Variants in COPG2 observed in about 807,000 individuals in gnomAD.
COPG2 encodes the protein coat protein complex I subunit gamma 2.
In COPG2, 37 loss-of-function variants were observed where a neutral mutation model predicts 46.3. The observed-to-expected ratio is 0.80, with a 90% CI of 0.61 to 1.05. The LOEUF is 1.05. Among genes scored for constraint, COPG2 ranks in the 50% least tolerant of loss-of-function variants. COPG2 has a pLI of 0.00. For missense variants in COPG2, 427 were observed against 387.8 expected, an observed-to-expected ratio of 1.10 and a Z score of -0.85; for synonymous variants, 159 against 129.7, an observed-to-expected ratio of 1.23 and a Z score of -1.53.
At chr7:130,615,050 G>A (rs573099992) in intron 6 of COPG2, among the ~76,000 whole-genome samples, 1 of 152,220 alleles carries the variant, frequency 6.6e-6, no homozygotes, top group Non-Finnish European at 1.5e-5. Flanking sequence ...TCTTGGAATA[G>A]AAGTGAGTTA....
chr7:130,521,064 G>A (rs1359760831), intron 20 of COPG2, among the ~76,000 whole-genome samples: 1 of 152,124 alleles, frequency 6.6e-6, no homozygotes, highest in Non-Finnish European at 1.5e-5. Flanking sequence ...ATGGATAAGA[G>A]CTTTTTCAAA....
At chr7:130,590,380 C>G (rs541550683) in intron 9 of COPG2, among the ~76,000 whole-genome samples, 1 of 152,222 alleles carries the variant, frequency 6.6e-6, no homozygotes, top group African/African-American at 2.4e-5. Context: ...CTCAGCCTGC[C>G]GAGTGCCTGC....
At chr7:130,609,664 C>T (rs546015069) in intron 9 of COPG2, among the ~76,000 whole-genome samples, 1 of 152,234 alleles carries the variant, frequency 6.6e-6, no homozygotes, top group African/African-American at 2.4e-5. Context: ...ATTCCCTAGG[C>T]TTCAGATGTT....
intron 11 of COPG2, among the ~76,000 whole-genome samples, chr7:130,561,448 T>C (rs1198249234): frequency 6.6e-6 from 1 of 152,234 alleles, no homozygotes; most frequent in African/African-American, 2.4e-5. Flanking sequence ...CTAACCTTTC[T>C]AACATTACCA....
At chr7:130,587,020 C>T (rs1283174888) in intron 9 of COPG2, among the ~76,000 whole-genome samples, 1 of 151,684 alleles carries the variant, frequency 6.6e-6, no homozygotes, top group Non-Finnish European at 1.5e-5. Flanking sequence ...TAAAAAATAC[C>T]ATTCAGCTGG....
At chr7:130,628,720 C>T (rs1053209447) in intron 5 of COPG2, among the ~76,000 whole-genome samples, 2 of 152,094 alleles carry the variant, frequency 1.3e-5, no homozygotes, top group African/African-American at 4.8e-5. Context: ...AGTAAGACAG[C>T]TACCAATAAA....
intron 3 of COPG2, among the ~76,000 whole-genome samples, chr7:130,663,879 C>T (rs1188883131): frequency 6.6e-6 from 1 of 151,884 alleles, no homozygotes; most frequent in Non-Finnish European, 1.5e-5. Flanking sequence ...GCTGTGATTA[C>T]AGGTGTGCAC....
chr7:130,639,562 T>C (rs1795421464), intron 5 of COPG2, among the ~76,000 whole-genome samples: 1 of 152,232 alleles, frequency 6.6e-6, no homozygotes, highest in Non-Finnish European at 1.5e-5. Context: ...GATTATGTCA[T>C]GAGACTCTGG....
intron 20 of COPG2, among the ~76,000 whole-genome samples, chr7:130,523,438 G>C (rs1302151531): frequency 6.6e-6 from 1 of 152,174 alleles, no homozygotes; most frequent in African/African-American, 2.4e-5. Flanking sequence ...CTGCATCCTC[G>C]GGTGAGAATC....
intron 9 of COPG2, among the ~76,000 whole-genome samples, chr7:130,565,726 T>G (rs1051569992): frequency 5.3e-5 from 8 of 151,946 alleles, no homozygotes; most frequent in Non-Finnish European, 1.0e-4. Flanking sequence ...AGACTACCAA[T>G]AAAGTGACAG....
At position 130,592,297 on chromosome 7, in the gene COPG2, C is replaced by G. The variant is rs541725039; in HGVS notation, c.737+18656G>C. On this transcript the variant is annotated intron_variant, in intron 9 of 23. Transcript: ENST00000425248. The stretch of plus-strand genomic sequence containing the variant: ...CACAGGGTCCTCTGCCTAGGAAAAC[C>G]AGAGACCTTTGTTTACTTGTTTATC... Among the ~76,000 whole-genome samples, 38 of 151,570 alleles carry G rather than the reference C, an allele frequency of 2.5e-4. 1 individual carries two copies. Among genetic ancestry groups the G allele is most frequent in the Admixed American group, 2.5e-3 (38 of 15,228 alleles).
chr7:130,549,043 CAAAA>C (rs1284034360), intron 18 of COPG2, among the ~76,000 whole-genome samples: 2 of 110,662 alleles, frequency 1.8e-5, no homozygotes, highest in Non-Finnish European at 4.4e-5. Flanking sequence ...AAGCAAAAAG[CAAAA>C]AAAAAAAAAA....
In COPG2 at chr7:130,663,003, G is replaced by C; in HGVS notation, c.207C>G (p.Ala69=). ...EHFGTTEATE[A]FFAMTRLFQS... is the part of the protein sequence containing the mutation. ...GAAACAATCGCGTCATTGCAAAGAA[G>C]GCTTCTGTAGCTTCCGTTGTTCCAA... Residue 69 remains alanine (A), a synonymous_variant, in exon 4 of 24, where the codon GCC becomes GCG. Transcript: ENST00000425248. The C allele has an allele frequency of 6.5e-7, 1 of 1,549,084 alleles. No individual in the cohort carries two copies. The highest frequency in any genetic ancestry group is 2.3e-5 in the East Asian group (1 of 42,890).
chr7:130,507,892 C>T, intron 21 of COPG2, 69 bp from the exon 22 acceptor site: 1 of 742,340 alleles, frequency 1.3e-6, no homozygotes, highest in South Asian at 1.5e-5. Flanking sequence ...AGGAACTAGT[C>T]AATATGGTCC....
At chr7:130,566,411 G>C (rs1170678828) in intron 9 of COPG2, among the ~76,000 whole-genome samples, 1 of 152,224 alleles carries the variant, frequency 6.6e-6, no homozygotes, top group Non-Finnish European at 1.5e-5. Flanking sequence ...AAGCAGTTTG[G>C]AGATTTCTCA....
chr7:130,559,406 AG>A (rs1793681840), intron 12 of COPG2, among the ~76,000 whole-genome samples: 2 of 152,150 alleles, frequency 1.3e-5, no homozygotes, highest in Non-Finnish European at 2.9e-5. Context: ...CTTTCTAGCA[AG>A]CCACCTTGAG....
chr7:130,510,469 A>G (rs1318820634), intron 20 of COPG2, among the ~76,000 whole-genome samples: 1 of 152,214 alleles, frequency 6.6e-6, no homozygotes, highest in Non-Finnish European at 1.5e-5. Context: ...TGATCAAGTT[A>G]GAATGAAGAG....
chr7:130,575,550 G>A lies in COPG2; in HGVS notation c.738-11157C>T, dbSNP rs149648859. On this transcript the variant is annotated intron_variant, in intron 9 of 23. Coordinates refer to ENST00000425248, the MANE Select transcript of COPG2 (RefSeq NM_012133.6). ...GCCACCACCACAAGGACTACTAAAA[G>A]GAGCCCTATATCCTGAAACAAATCC... Among the ~76,000 whole-genome samples, 965 of 152,112 alleles carry A rather than the reference G, an allele frequency of 6.3e-3. 2 individuals are homozygous for A. The highest frequency in any genetic ancestry group is 9.1e-3 in the Non-Finnish European group (618 of 68,000).
chr7:130,649,996 C>T (rs535678766), intron 5 of COPG2, among the ~76,000 whole-genome samples: 8 of 152,252 alleles, frequency 5.3e-5, no homozygotes, highest in Non-Finnish European at 8.8e-5. Context: ...ATCAAGATAT[C>T]GGTAGGGCTA....
Sources: allele counts gnomAD v4.1 joint callset (sites outside exome capture counted in the v4.1 genomes callset), GRCh38; gene constraint gnomAD v4.1.1; transcripts MANE v1.5; gene names NCBI Gene and HGNC (gene_info 2026-07-23, HGNC 2026-07-21).